GPR158: variants seen among roughly 807,000 people sequenced by gnomAD.
The protein encoded by GPR158 is metabotropic glycine receptor.
Under a neutral mutation model 78.2 loss-of-function variants are expected in GPR158, and 30 were observed. The observed-to-expected ratio is 0.38, with a 90% CI of 0.29 to 0.52. GPR158 has a LOEUF of 0.52. Among genes scored for constraint, GPR158 ranks in the 20% least tolerant of loss-of-function variants. GPR158 has a pLI of 0.83. For synonymous variants in GPR158, 581 were observed against 591.1 expected, an observed-to-expected ratio of 0.98 and a Z score of 0.25; for missense variants, 1,463 against 1,523.5, an observed-to-expected ratio of 0.96 and a Z score of 0.66.
chr10:25,221,114 G>A lies in GPR158; in HGVS notation c.965G>A (p.Gly322Asp). The change falls in exon 2 of 11, where the codon GGC (glycine) becomes GAC (aspartate). Residue 322 changes from glycine to aspartate, a missense_variant. Gly to Asp is a moderately conservative substitution (Grantham distance 94). Coordinates refer to ENST00000376351, the MANE Select transcript of GPR158 (RefSeq NM_020752.3). ...KVDIDQCSSD[G>D]WFSGTHKCHL... Reference sequence around the variant, plus strand: ...GACATTGACCAATGCTCAAGTGATGGCTGGTTTTCAGGAACTCATAAATGC... The same window carrying A: ...GACATTGACCAATGCTCAAGTGATGACTGGTTTTCAGGAACTCATAAATGC... The A allele has an allele frequency of 8.1e-6, 13 of 1,604,594 alleles. No individual in the cohort carries two copies. The highest frequency in any genetic ancestry group is 1.1e-5 in the Non-Finnish European group (13 of 1,172,260).
chr10:25,421,436 A>G (rs1834749917), intron 4 of GPR158, among the ~76,000 whole-genome samples: 1 of 152,192 alleles, frequency 6.6e-6, no homozygotes, highest in South Asian at 2.1e-4. Context: ...AATGGTTAGA[A>G]GCCAAGACCT....
intron 4 of GPR158, among the ~76,000 whole-genome samples, chr10:25,433,690 CTTTCTT>C (rs1834953986): frequency 1.1e-5 from 1 of 93,260 alleles, no homozygotes; most frequent in Non-Finnish European, 2.3e-5. Context: ...TTCTTTCTTT[CTTTCTT>C]TTTTTTTTTT....
chr10:25,345,570 T>C (rs1039358398), intron 2 of GPR158, among the ~76,000 whole-genome samples: 1 of 152,134 alleles, frequency 6.6e-6, no homozygotes, highest in African/African-American at 2.4e-5. Context: ...ACCAGCCCTA[T>C]TCTCATATCC....
At chr10:25,592,405 A>G (rs1329776604) in intron 8 of GPR158, among the ~76,000 whole-genome samples, 3 of 152,018 alleles carry the variant, frequency 2.0e-5, no homozygotes, top group African/African-American at 4.8e-5. Context: ...GGAAAGCACA[A>G]GACTTTTAAG....
intron 2 of GPR158, among the ~76,000 whole-genome samples, chr10:25,289,232 T>C (rs1300155322): frequency 6.6e-6 from 1 of 152,210 alleles, no homozygotes; most frequent in East Asian, 1.9e-4. Context: ...AGATAGCTAC[T>C]ACTTTCCAAT....
rs1203466268 is a variant in GPR158, at chr10:25,241,370, T to C, written c.1008+20213T>C. ...TTTCTCTTTTCTTTTCTCTTTTCTT[T>C]TCTCTCTTCTCTTCTCTTCTCTTCT... On this transcript the variant is annotated intron_variant, in intron 2 of 10. Transcript: ENST00000376351. 2.8e-4 allele frequency among the ~76,000 whole-genome samples: 30 copies of C among 107,970 alleles called. 1 individual carries two copies. Among genetic ancestry groups the C allele is most frequent in the African/African-American group, 1.2e-3 (26 of 22,354 alleles). 70.8% of individuals were successfully genotyped at this position (107,970 alleles called of 152,430 possible).
At chr10:25,393,910 A>C (rs1246578037) in intron 2 of GPR158, 2 of 152,144 alleles carry the variant, frequency 1.3e-5, no homozygotes, top group South Asian at 2.1e-4. Flanking sequence ...AATCTCACGG[A>C]TTTATCTATG....
intron 2 of GPR158, among the ~76,000 whole-genome samples, chr10:25,297,136 T>C (rs1854526744): frequency 6.6e-6 from 1 of 152,208 alleles, no homozygotes; most frequent in African/African-American, 2.4e-5. Context: ...TTGTTTATTG[T>C]ATGATGTATT....
At chr10:25,387,519 T>A (rs1378980570) in intron 2 of GPR158, among the ~76,000 whole-genome samples, 3 of 71,580 alleles carry the variant, frequency 4.2e-5, no homozygotes, top group South Asian at 5.1e-4. Context: ...TCTTCAAATT[T>A]TTTTTTTTTT....
At chr10:25,430,583 GA>G (rs1254023389) in intron 4 of GPR158, among the ~76,000 whole-genome samples, 1 of 150,996 alleles carries the variant, frequency 6.6e-6, no homozygotes, top group Admixed American at 6.6e-5. Flanking sequence ...AACAAAGCTG[GA>G]GGCATCATGC....
chr10:25,591,839 G>A (rs1837344935), intron 8 of GPR158, among the ~76,000 whole-genome samples: 1 of 151,988 alleles, frequency 6.6e-6, no homozygotes, highest in Admixed American at 6.6e-5. Flanking sequence ...AATTTATATG[G>A]CTATAAAGGA....
chr10:25,236,841 A>G (rs1437198979), intron 2 of GPR158, among the ~76,000 whole-genome samples: 1 of 152,178 alleles, frequency 6.6e-6, no homozygotes, highest in African/African-American at 2.4e-5. Context: ...TATTAATTAC[A>G]ATAACTACAT....
chr10:25,520,906 C>T (rs867644621), intron 5 of GPR158, among the ~76,000 whole-genome samples: 1 of 152,202 alleles, frequency 6.6e-6, no homozygotes, highest in Non-Finnish European at 1.5e-5. Context: ...GTTGGAGCTT[C>T]CCGGCTTCTT....
At chr10:25,195,179 T>G (rs1039394820) in intron 1 of GPR158, among the ~76,000 whole-genome samples, 17 of 151,894 alleles carry the variant, frequency 1.1e-4, no homozygotes, top group African/African-American at 3.9e-4. Flanking sequence ...AGGAGTCATT[T>G]TATTTCTAAG....
At chr10:25,302,238 ATTTTTT>A (rs58156960) in intron 2 of GPR158, among the ~76,000 whole-genome samples, 1,363 of 133,974 alleles carry the variant, frequency 0.01, 22 homozygotes, top group African/African-American at 0.034. Flanking sequence ...TGCCTGGCTA[ATTTTTT>A]TTTTTTTTTT....
At chr10:25,286,041 CTGG>C (rs1482576023) in intron 2 of GPR158, among the ~76,000 whole-genome samples, 2 of 152,108 alleles carry the variant, frequency 1.3e-5, no homozygotes, top group Admixed American at 1.3e-4. Flanking sequence ...TCCTTTTTCT[CTGG>C]TGACGTTCAA....
chr10:25,187,740 T>C (rs1219823806), intron 1 of GPR158, among the ~76,000 whole-genome samples: 4 of 152,316 alleles, frequency 2.6e-5, no homozygotes, highest in African/African-American at 7.2e-5. Flanking sequence ...GGATGCCCTC[T>C]CTCACCACTC....
chr10:25,476,235 AAG>A (rs966567802), intron 5 of GPR158, among the ~76,000 whole-genome samples: 2 of 152,190 alleles, frequency 1.3e-5, no homozygotes, highest in Non-Finnish European at 2.9e-5. Context: ...AAAGAAAGAA[AAG>A]AGAATTTTAA....
chr10:25,251,402 C>G (rs2130721884), intron 2 of GPR158, among the ~76,000 whole-genome samples: 1 of 151,520 alleles, frequency 6.6e-6, no homozygotes, highest in East Asian at 1.9e-4. Flanking sequence ...CAGTTTCTTC[C>G]TAGTCTCGAT....
Sources: allele counts gnomAD v4.1 joint callset (sites outside exome capture counted in the v4.1 genomes callset), GRCh38; gene constraint gnomAD v4.1.1; transcripts MANE v1.5; gene names NCBI Gene and HGNC (gene_info 2026-07-23, HGNC 2026-07-21).